The following ARMH3 variants were observed in gnomAD, a reference collection of about 807,000 sequenced individuals.
ARMH3 encodes armadillo like helical domain containing 3.
In ARMH3, 60 loss-of-function variants were observed where a neutral mutation model predicts 99.1. The ratio of observed to expected loss-of-function variants is 0.61; its 90% CI spans 0.49 to 0.75. The LOEUF (loss-of-function observed/expected upper bound fraction) is 0.75. Among genes scored for constraint, ARMH3 ranks in the 30% least tolerant of loss-of-function variants. The probability of loss-of-function intolerance (pLI) is 0.00; values close to 1 mark genes in which losing one functional copy is unlikely to be tolerated. For synonymous variants in ARMH3, 285 were observed against 292.8 expected (o/e 0.97, Z 0.27); for missense variants, 679 against 843.1 (o/e 0.81, Z 2.41).
At chr10:101,876,696 C>A (rs2067275187) in intron 24 of ARMH3, among the ~76,000 whole-genome samples, 1 of 152,166 alleles carries the variant, frequency 6.6e-6, no homozygotes, top group African/African-American at 2.4e-5. Context: ...AAACCATGTT[C>A]TTCCAAGAAC....
chr10:102,051,527 C>T (rs1029685238), intron 1 of ARMH3, among the ~76,000 whole-genome samples: 2 of 151,830 alleles, frequency 1.3e-5, no homozygotes, highest in African/African-American at 4.8e-5. Flanking sequence ...CTCAGGACAT[C>T]ACCTGACAAG....
chr10:102,046,672 A>C (rs1385558008), intron 1 of ARMH3, among the ~76,000 whole-genome samples: 2 of 152,206 alleles, frequency 1.3e-5, no homozygotes, highest in African/African-American at 4.8e-5. Flanking sequence ...AATTGAAAAG[A>C]AAATAAACTT....
intron 16 of ARMH3, among the ~76,000 whole-genome samples, chr10:101,994,645 G>C (rs1355832849): frequency 6.6e-6 from 1 of 152,012 alleles, no homozygotes; most frequent in Non-Finnish European, 1.5e-5. Context: ...CTTGTTCCTC[G>C]GCAAACTGCA....
intron 24 of ARMH3, among the ~76,000 whole-genome samples, chr10:101,877,683 T>C (rs1284188390): frequency 2.0e-5 from 3 of 151,976 alleles, no homozygotes; most frequent in Non-Finnish European, 4.4e-5. Flanking sequence ...TTTTTAAAGC[T>C]GACAATTACT....
chr10:101,939,034 G>A (rs1230163318), intron 23 of ARMH3, among the ~76,000 whole-genome samples: 2 of 152,142 alleles, frequency 1.3e-5, no homozygotes, highest in African/African-American at 2.4e-5. Flanking sequence ...GACCAGCTTT[G>A]TCACACATTA....
intron 8 of ARMH3, among the ~76,000 whole-genome samples, chr10:102,015,705 T>A (rs983980286): frequency 2.0e-5 from 3 of 152,176 alleles, no homozygotes; most frequent in South Asian, 2.1e-4. Context: ...TAGGTTTTAA[T>A]TGGGGTCATC....
intron 23 of ARMH3, among the ~76,000 whole-genome samples, chr10:101,890,872 A>ATTT (rs1313468909): frequency 7.6e-5 from 10 of 130,918 alleles, no homozygotes; most frequent in African/African-American, 2.0e-4. Flanking sequence ...CCTGACTGGT[A>ATTT]TTTTTTTTTT....
At chr10:101,982,021 C>CAAAAAAAA (rs71016356) in intron 19 of ARMH3, among the ~76,000 whole-genome samples, 4 of 58,984 alleles carry the variant, frequency 6.8e-5, no homozygotes, top group East Asian at 4.5e-4. Context: ...GACTCTATCT[C>CAAAAAAAA]AAAAAAAAAA....
At chr10:101,928,921 G>A (rs890210632) in intron 23 of ARMH3, among the ~76,000 whole-genome samples, 17 of 152,122 alleles carry the variant, frequency 1.1e-4, no homozygotes, top group Admixed American at 3.3e-4. Flanking sequence ...AGTAGAGACA[G>A]GGTTTCATCA....
At chr10:101,894,493 A>G (rs2067769162) in intron 23 of ARMH3, among the ~76,000 whole-genome samples, 1 of 152,200 alleles carries the variant, frequency 6.6e-6, no homozygotes, top group Non-Finnish European at 1.5e-5. Context: ...GACGGCTACC[A>G]GGCTCACCTG....
Position 101,847,447 on chromosome 10 carries a change from GC to G in ARMH3, c.*80del, listed in dbSNP as rs535686101. 410 of 1,416,706 alleles carry G rather than the reference GC, an allele frequency of 2.9e-4. No homozygotes were observed. In the African/African-American group the frequency reaches 5.3e-3, roughly 18 times the overall value. The allele number at this position is 1,416,706 out of a possible 1,614,324, so 87.8% of individuals were successfully genotyped here. A position where few individuals can be genotyped will look rare whatever the true frequency, so the allele number is the denominator to read the frequency against. On this transcript the variant is annotated 3_prime_UTR_variant, in exon 26 of 26. Transcript: ENST00000370033. ...GTGTTTCTCTCCAACCTCGGGGGCA[GC>G]CCCCTCTCCCCTCGCTCCCCCTCCA...
chr10:101,940,019 T>C (rs1844167720), intron 22 of ARMH3, 81 bp from the exon 23 acceptor site: 15 of 1,103,604 alleles, frequency 1.4e-5, no homozygotes, highest in Non-Finnish European at 2.0e-5. Context: ...CATCTCAGAA[T>C]AGCACTCTCA....
At chr10:101,997,486 G>C (rs1847114447) in intron 15 of ARMH3, among the ~76,000 whole-genome samples, 1 of 152,048 alleles carries the variant, frequency 6.6e-6, no homozygotes, top group South Asian at 2.1e-4. Flanking sequence ...CAGCTACTCA[G>C]GAGGCTGAGG....
chr10:101,904,408 T>G (rs1467721683), intron 23 of ARMH3, among the ~76,000 whole-genome samples: 1 of 151,558 alleles, frequency 6.6e-6, no homozygotes, highest in African/African-American at 2.4e-5. Flanking sequence ...CAGTGAGGAG[T>G]TTTTTTTAAG....
At chr10:102,044,583 G>A (rs1026976624) in intron 1 of ARMH3, among the ~76,000 whole-genome samples, 4 of 151,506 alleles carry the variant, frequency 2.6e-5, no homozygotes, top group Non-Finnish European at 5.9e-5. Context: ...TGTTGCCCTG[G>A]CTGGTCTCAA....
intron 23 of ARMH3, among the ~76,000 whole-genome samples, chr10:101,899,631 G>A (rs1307151838): frequency 6.6e-6 from 1 of 152,126 alleles, no homozygotes; most frequent in Non-Finnish European, 1.5e-5. Context: ...CAAAGACTCT[G>A]CTGATTAACA....
chr10:101,858,607 T>A (rs2066788128), intron 24 of ARMH3, among the ~76,000 whole-genome samples: 1 of 152,166 alleles, frequency 6.6e-6, no homozygotes, highest in Non-Finnish European at 1.5e-5. Context: ...AAAATTCCTC[T>A]CATCTGTCCC....
intron 5 of ARMH3, among the ~76,000 whole-genome samples, chr10:102,025,889 T>C (rs2066990399): frequency 6.6e-6 from 1 of 152,148 alleles, no homozygotes; most frequent in African/African-American, 2.4e-5. Flanking sequence ...TGGGCTCAAG[T>C]GATCCTCAGC....
intron 19 of ARMH3, among the ~76,000 whole-genome samples, chr10:101,985,078 TAC>T (rs35926257): frequency 0.037 from 4,990 of 136,156 alleles, 111 homozygotes; most frequent in East Asian, 0.11. Context: ...AAAATATATA[TAC>T]ACACACACAC....
Sources: allele counts gnomAD v4.1 joint callset (sites outside exome capture counted in the v4.1 genomes callset), GRCh38; gene constraint gnomAD v4.1.1; transcripts MANE v1.5; gene names NCBI Gene and HGNC (gene_info 2026-07-23, HGNC 2026-07-21).